The following TMEM178B variants were observed in gnomAD, a reference collection of about 807,000 sequenced individuals.
TMEM178B encodes the protein transmembrane protein 178B.
In TMEM178B, 5 loss-of-function variants were observed where a neutral mutation model predicts 31.0. That is an observed-to-expected ratio of 0.16 (90% CI 0.08 to 0.34). The LOEUF (loss-of-function observed/expected upper bound fraction) is 0.34, where lower values mean the gene tolerates loss of function less well. Ranked by LOEUF, TMEM178B falls within the 10% of genes least tolerant of loss-of-function variation. The pLI is 1.00. For synonymous variants in TMEM178B, 164 were observed against 164.0 expected, an observed-to-expected ratio of 1.00 and a Z score of 0.00; for missense variants, 275 against 400.3, an observed-to-expected ratio of 0.69 and a Z score of 2.67.
Position 141,477,803 on chromosome 7 carries a change from C to T in TMEM178B, c.*7017C>T, listed in dbSNP as rs1381677557. 6.6e-6 allele frequency: 1 copy of T among 152,232 alleles called. No individual in the cohort carries two copies. The highest frequency in any genetic ancestry group is 1.5e-5 in the Non-Finnish European group (1 of 68,082). The allele number at this position is 152,232 out of a possible 1,614,324, so 9.4% of individuals were successfully genotyped here. ...GGAGGTAAATTAGGAGATGTTTTCT[C>T]TCTGCTACTCCTGGCCTCTGCTTTC... On this transcript the variant is annotated 3_prime_UTR_variant, in exon 4 of 4. Coordinates refer to ENST00000565468, the MANE Select transcript of TMEM178B (RefSeq NM_001195278.2).
intron 2 of TMEM178B, among the ~76,000 whole-genome samples, chr7:141,264,290 A>G (rs1393255249): frequency 6.6e-6 from 1 of 152,210 alleles, no homozygotes; most frequent in Non-Finnish European, 1.5e-5. Context: ...GGCCTTAGAG[A>G]CGACCTCCCA....
intron 2 of TMEM178B, among the ~76,000 whole-genome samples, chr7:141,361,008 ACAAT>A (rs2116546663): frequency 6.6e-6 from 1 of 152,318 alleles, no homozygotes; most frequent in East Asian, 1.9e-4. Context: ...CAAGAAGGGA[ACAAT>A]CAATGAATAG....
intron 2 of TMEM178B, among the ~76,000 whole-genome samples, chr7:141,384,186 G>A (rs1466316500): frequency 6.6e-6 from 1 of 152,064 alleles, no homozygotes; most frequent in Admixed American, 6.6e-5. Flanking sequence ...CACTCTGATG[G>A]TAGTTTCTTT....
At chr7:141,400,325 T>C (rs894775218) in intron 2 of TMEM178B, among the ~76,000 whole-genome samples, 10 of 152,206 alleles carry the variant, frequency 6.6e-5, no homozygotes, top group African/African-American at 2.4e-4. Flanking sequence ...CTCTCTTCAT[T>C]TCACCCTTCC....
At chr7:141,313,025 T>G (rs879774036) in intron 2 of TMEM178B, among the ~76,000 whole-genome samples, 1 of 152,236 alleles carries the variant, frequency 6.6e-6, no homozygotes, top group Admixed American at 6.5e-5. Context: ...CCAGTAGGTC[T>G]CAGCCTTATT....
intron 2 of TMEM178B, among the ~76,000 whole-genome samples, chr7:141,222,253 T>C (rs551705368): frequency 3.5e-4 from 54 of 152,338 alleles, no homozygotes; most frequent in African/African-American, 1.3e-3. Flanking sequence ...TTTTGTATTG[T>C]GTGTGTTAGC....
chr7:141,212,608 A>T lies in TMEM178B; in HGVS notation c.400A>T (p.Thr134Ser), dbSNP rs1390472352. The T allele has an allele frequency of 1.3e-6, 2 of 1,535,988 alleles. No individual in the cohort carries two copies. Among genetic ancestry groups the T allele is most frequent in the Non-Finnish European group, 1.7e-6 (2 of 1,146,874 alleles). The stretch of plus-strand genomic sequence containing the variant: ...TTTTCTAGGAGAAATTGAGCGATGT[A>T]CGTACATCAAATACCACTACTCCTC... Reference protein sequence around the residue: ...LIRKGEIERCTYIKYHYSSAT... With the variant: ...LIRKGEIERCSYIKYHYSSAT... Residue 134 changes from threonine (T) to serine (S), a missense_variant, in exon 2 of 4, where the codon ACG becomes TCG. Transcript: ENST00000565468.
At chr7:141,091,677 T>C (rs553062838) in intron 1 of TMEM178B, among the ~76,000 whole-genome samples, 1 of 152,318 alleles carries the variant, frequency 6.6e-6, no homozygotes, top group African/African-American at 2.4e-5. Context: ...TTGAGATCCT[T>C]ATTATTTAGA....
the TMEM178B span, among the ~76,000 whole-genome samples, chr7:141,500,355 A>C: frequency 5.9e-5 from 9 of 152,188 alleles, no homozygotes; most frequent in East Asian, 1.9e-4. Flanking sequence ...GGCAGGTGCA[A>C]GTCATTTTGA....
intron 1 of TMEM178B, among the ~76,000 whole-genome samples, chr7:141,087,737 T>A (rs1370930091): frequency 6.6e-6 from 1 of 152,234 alleles, no homozygotes; most frequent in Non-Finnish European, 1.5e-5. Context: ...AAGGTATTGA[T>A]CATTTATTCT....
chr7:141,189,496 G>A (rs1478365506), intron 1 of TMEM178B, among the ~76,000 whole-genome samples: 2 of 152,238 alleles, frequency 1.3e-5, no homozygotes, highest in Non-Finnish European at 2.9e-5. Context: ...AGCCTCTGAA[G>A]TTCATCTGAG....
At chr7:141,090,357 T>C (rs1049082018) in intron 1 of TMEM178B, among the ~76,000 whole-genome samples, 4 of 152,258 alleles carry the variant, frequency 2.6e-5, no homozygotes, top group Non-Finnish European at 5.9e-5. Context: ...GTACCCAGCC[T>C]ACTTCTAAGT....
chr7:141,302,219 T>C (rs535191445), intron 2 of TMEM178B, among the ~76,000 whole-genome samples: 1 of 152,324 alleles, frequency 6.6e-6, no homozygotes, highest in South Asian at 2.1e-4. Flanking sequence ...GATAAAACAA[T>C]GTGGTGTATC....
Position 141,074,397 on chromosome 7 carries a change from C to A in TMEM178B, c.87C>A (p.Asp29Glu), listed in dbSNP as rs970027767. Residue 29 changes from aspartate to glutamate, a missense_variant, in exon 1 of 4, where the codon GAC (aspartate) becomes GAA (glutamate). Asp to Glu is a conservative substitution (Grantham distance 45, BLOSUM62 2). Transcript: ENST00000565468. The surrounding 1 kb of genome is among the most constrained non-coding windows in gnomAD (Gnocchi z 5.1). ...TGCTGGCCGTGGCCATCTGCTCGGA[C>A]CACTGGTACGAGACGGACGCCAGGA... Reference protein sequence around the residue: ...LGMLAVAICSDHWYETDARKH... With the variant: ...LGMLAVAICSEHWYETDARKH... 2.0e-6 allele frequency: 3 copies of A among 1,536,142 alleles called. No individual in the cohort carries two copies. Among genetic ancestry groups the A allele is most frequent in the Non-Finnish European group, 1.7e-6 (2 of 1,146,872 alleles).
At chr7:141,421,185 G>C (rs892293929) in intron 2 of TMEM178B, among the ~76,000 whole-genome samples, 1 of 152,140 alleles carries the variant, frequency 6.6e-6, no homozygotes, top group African/African-American at 2.4e-5. Context: ...ATGGAGGTAA[G>C]AACATACTCT....
chr7:141,198,612 C>G (rs906606668), intron 1 of TMEM178B, among the ~76,000 whole-genome samples: 1 of 152,176 alleles, frequency 6.6e-6, no homozygotes, highest in Non-Finnish European at 1.5e-5. Context: ...GCCAGACTGG[C>G]CTCCTTCCCC....
At chr7:141,215,918 T>G (rs1309657193) in intron 2 of TMEM178B, among the ~76,000 whole-genome samples, 1 of 149,530 alleles carries the variant, frequency 6.7e-6, no homozygotes, top group African/African-American at 2.5e-5. Flanking sequence ...CTTTCTTTTT[T>G]TTTTTTTGAC....
intron 1 of TMEM178B, among the ~76,000 whole-genome samples, chr7:141,127,221 G>A (rs971520515): frequency 5.3e-5 from 8 of 152,094 alleles, no homozygotes; most frequent in Admixed American, 2.0e-4. Flanking sequence ...AATTTAGCTC[G>A]GATAGACCTT....
intron 2 of TMEM178B, among the ~76,000 whole-genome samples, chr7:141,385,348 G>C (rs1274914516): frequency 6.6e-6 from 1 of 152,210 alleles, no homozygotes; most frequent in Non-Finnish European, 1.5e-5. Flanking sequence ...CCTGCCATAA[G>C]ATGGTCTGCT....
Sources: allele counts gnomAD v4.1 joint callset (sites outside exome capture counted in the v4.1 genomes callset), GRCh38; gene constraint gnomAD v4.1.1; non-coding constraint Gnocchi (gnomAD v3.1); transcripts MANE v1.5; gene names NCBI Gene and HGNC (gene_info 2026-07-23, HGNC 2026-07-21).